The following BRAT1 variants were observed in gnomAD, a reference collection of about 807,000 sequenced individuals.
BRAT1 encodes integrator complex assembly factor BRAT1.
A neutral mutation model predicts 70.6 loss-of-function variants in BRAT1; 74 were observed. The observed-to-expected ratio is 1.05, with a 90% CI of 0.87 to 1.27. BRAT1 has a LOEUF of 1.27. Among genes scored for constraint, BRAT1 ranks in the 50% most tolerant of loss-of-function variants. The pLI, the probability that BRAT1 is intolerant of heterozygous loss-of-function variation, is 0.00. For missense variants in BRAT1, 1,203 were observed against 1,098.2 expected (o/e 1.10, Z -1.35); for synonymous variants, 615 against 517.1 (o/e 1.19, Z -2.57).
At chr7:2,548,052 C>T (rs4721777) in intron 2 of BRAT1, among the ~76,000 whole-genome samples, 22,681 of 147,642 alleles carry the variant, frequency 0.15, 2,215 homozygotes, top group Non-Finnish European at 0.21. Flanking sequence ...TCATTGCACA[C>T]GGCACACTCC....
Position 2,543,486 on chromosome 7 carries a change from CAT to C in BRAT1, c.803+102_803+103del, listed in dbSNP as rs551229769. The C allele has an allele frequency of 1.1e-4, 166 of 1,483,524 alleles. No homozygotes were observed. The African/African-American group carries it at 2.2e-3, about 20-fold the overall frequency. 91.9% of individuals were successfully genotyped at this position (1,483,524 alleles called of 1,614,324 possible). ...ACCCCGGTGCCGCTTCACTGCAGGC[CAT>C]GTCCTCAGAGAGTCTCCGGCTGCCA... On this transcript the variant is annotated intron_variant, in intron 5 of 13. Coordinates refer to ENST00000340611, the MANE Select transcript of BRAT1 (RefSeq NM_152743.4). This position sits in a 1 kb window ranked among gnomAD's most constrained non-coding sequence, Gnocchi z 5.5.
rs1056167622 is a variant in BRAT1, at chr7:2,541,932, G to T, written c.1016-96C>A. 4.3e-6 allele frequency: 6 copies of T among 1,383,756 alleles called. No individual in the cohort carries two copies. In the African/African-American group the frequency reaches 5.7e-5, roughly 13 times the overall value. The allele number at this position is 1,383,756 out of a possible 1,614,324, so 85.7% of individuals were successfully genotyped here. ...GGTCACCACCCACAGCACAGGCCAG[G>T]ACCTAGGTGCAGAGCAGCAGCTCAC... On this transcript the variant is annotated intron_variant, in intron 7 of 13. Transcript: ENST00000340611.
chr7:2,539,504 A>C, intron 12 of BRAT1, 40 bp downstream of exon 12: 1 of 1,520,418 alleles, frequency 6.6e-7, no homozygotes, highest in Admixed American at 2.0e-5. Flanking sequence ...TGAGCCCCCC[A>C]CAGGCGGGGA....
At chr7:2,552,081 A>AACATATATAT (rs1554298077) in intron 2 of BRAT1, among the ~76,000 whole-genome samples, 2 of 23,384 alleles carry the variant, frequency 8.6e-5, no homozygotes, top group East Asian at 5.8e-3. Context: ...CATAGTCTTA[A>AACATATATAT]ATATATATAT....
At chr7:2,555,122 G>A (rs1025366444) in intron 1 of BRAT1, among the ~76,000 whole-genome samples, 17 of 151,818 alleles carry the variant, frequency 1.1e-4, no homozygotes, top group Non-Finnish European at 2.2e-4. Flanking sequence ...GGCGGGGTGC[G>A]GAAAGGAAGG....
intron 3 of BRAT1, among the ~76,000 whole-genome samples, chr7:2,546,421 G>A (rs1024163718): frequency 6.6e-6 from 1 of 151,902 alleles, no homozygotes; most frequent in Non-Finnish European, 1.5e-5. Context: ...GACAGAGCAG[G>A]ACTCTGTCTC....
Position 2,542,134 on chromosome 7 carries a change from G to A in BRAT1, c.1001C>T (p.Ala334Val), listed in dbSNP as rs968967278. Reference sequence around the variant, plus strand: ...AAGCAGCACACCTGGGGGTCCGGGGGCCTGAACCGTGGCCTTCAGGACACA... The same window carrying A: ...AAGCAGCACACCTGGGGGTCCGGGGACCTGAACCGTGGCCTTCAGGACACA... ...LACVLKATVQ[A>V]PGPPGLLDGT... The change falls in exon 7 of 14, where the codon GCC becomes GTC. Residue 334 changes from alanine (A) to valine (V), a missense_variant. Ala to Val is a moderately conservative substitution (Grantham distance 64, BLOSUM62 0). Coordinates refer to ENST00000340611, the MANE Select transcript of BRAT1 (RefSeq NM_152743.4). The A allele has an allele frequency of 3.2e-6, 5 of 1,561,626 alleles. No homozygotes were observed. In the African/African-American group the frequency reaches 4.1e-5, roughly 13 times the overall value.
At chr7:2,549,895 G>C (rs1170075572) in intron 2 of BRAT1, among the ~76,000 whole-genome samples, 3 of 152,236 alleles carry the variant, frequency 2.0e-5, no homozygotes, top group Non-Finnish European at 2.9e-5. Context: ...TGATCACGGA[G>C]ATAAATTCCA....
Position 2,547,421 on chromosome 7 carries a change from A to T in BRAT1, c.185T>A (p.Val62Glu), listed in dbSNP as rs1365971692. Residue 62 changes from valine to glutamate, a missense_variant, in exon 3 of 14, where the codon GTG (valine) becomes GAG (glutamate). Transcript: ENST00000340611. ...AGAACTCAGGTCCTGGACTTTCAGC[A>T]CATGGGACAGCAGCTCCACCAGGCA... ...HPCLVELLSHVLKVQDLSSGV... is the reference protein window; with the variant it reads ...HPCLVELLSHELKVQDLSSGV... 7 of 1,614,144 alleles carry T rather than the reference A, an allele frequency of 4.3e-6. No individual in the cohort carries two copies. The South Asian group carries it at 7.7e-5, about 18-fold the overall frequency.
At chr7:2,539,991 C>T in intron 10 of BRAT1, 103 bp from the exon 11 acceptor site, 1 of 791,580 alleles carries the variant, frequency 1.3e-6, no homozygotes, top group Non-Finnish European at 1.9e-6. Flanking sequence ...CCAGGGACAG[C>T]AATGGGGACA....
chr7:2,552,106 A>ATATATATATACATATATTTTT (rs1245262304), intron 2 of BRAT1, among the ~76,000 whole-genome samples: 1 of 14,216 alleles, frequency 7.0e-5, no homozygotes, highest in Non-Finnish European at 1.4e-4. Context: ...ATATATATAT[A>ATATATATATACATATATTTTT]TTTTTTTTTT....
Position 2,544,981 on chromosome 7 carries a change from G to T in BRAT1, c.358C>A (p.Arg120Ser). 6.4e-7 allele frequency: 1 copy of T among 1,568,662 alleles called. No homozygotes were observed. ...CGCAGGCCCTGGATCCAGCCGCTGC[G>T]CACGGTGGGGACGGCCCAGGTTGCT... ...GRATWAVPTV[R>S]SGWIQGLRSL... Residue 120 changes from arginine (R) to serine (S), a missense_variant, in exon 4 of 14, where the codon CGC becomes AGC. Physicochemically the swap from Arg to Ser is moderately radical, Grantham distance 110. Transcript: ENST00000340611.
rs1210849856 is a variant in BRAT1 at position 2,538,602 on chromosome 7, C to G, written c.1933G>C (p.Asp645His). ...TGGGCGCGGACCTCCCAGTCCAGGT[C>G]TCGGCTCGCCGCCTGCAGCACAGTG... ...VATVLQAASR[D>H]LDWEVRAQGL... The change falls in exon 14 of 14, where the codon GAC becomes CAC. Residue 645 changes from aspartate to histidine, a missense_variant. Coordinates refer to ENST00000340611, the MANE Select transcript of BRAT1 (RefSeq NM_152743.4). The G allele has an allele frequency of 1.9e-6, 3 of 1,597,566 alleles. No individual in the cohort carries two copies. The highest frequency in any genetic ancestry group is 2.5e-6 in the Non-Finnish European group (3 of 1,178,652).
chr7:2,538,709 C>T lies in BRAT1; in HGVS notation c.1826G>A (p.Arg609Gln), dbSNP rs1406194043. 3.8e-6 allele frequency: 6 copies of T among 1,598,446 alleles called. No individual in the cohort carries two copies. The highest frequency in any genetic ancestry group is 2.2e-5 in the East Asian group (1 of 44,862). Residue 609 changes from arginine (R) to glutamine (Q), a missense_variant, in exon 14 of 14, where the codon CGG (arginine) becomes CAG (glutamine). Physicochemically the swap from Arg to Gln is conservative, Grantham distance 43. Transcript: ENST00000340611. ...ILSVDSEGFPRRAVMQVFTEW... is the reference protein window; with the variant it reads ...ILSVDSEGFPQRAVMQVFTEW... ...AGTGAAGACTTGCATGACCGCCCGC[C>T]GTGGGAAGCCCTCCGAGTCTACGGA... is the stretch of plus-strand genomic sequence containing the variant.
intron 8 of BRAT1, 107 bp downstream of exon 8, chr7:2,541,611 G>T: frequency 6.9e-7 from 1 of 1,454,352 alleles, no homozygotes; most frequent in Non-Finnish European, 9.2e-7. Context: ...TGCTGGCGTG[G>T]ATGCAAGGGT....
intron 2 of BRAT1, among the ~76,000 whole-genome samples, chr7:2,550,055 C>G (rs1779885143): frequency 6.6e-6 from 1 of 151,224 alleles, no homozygotes; most frequent in Non-Finnish European, 1.5e-5. Flanking sequence ...CCCAGCCATC[C>G]AGGAGGCTGG....
chr7:2,555,042 TG>T (rs1780316783), intron 1 of BRAT1, among the ~76,000 whole-genome samples: 1 of 145,534 alleles, frequency 6.9e-6, no homozygotes, highest in African/African-American at 2.6e-5. Context: ...AAGGGGCACC[TG>T]TCCGTGTGTC....
In BRAT1 at chr7:2,538,584, G is replaced by C. The variant is rs777235172; in HGVS notation, c.1951C>G (p.Arg651Gly). ...AASRDLDWEV[R>G]AQGLELALVF... ...AGGGCCAGCTCCAGGCCCTGGGCGCGGACCTCCCAGTCCAGGTCTCGGCTC... is the reference window on the plus strand; with the variant it reads ...AGGGCCAGCTCCAGGCCCTGGGCGCCGACCTCCCAGTCCAGGTCTCGGCTC... Residue 651 changes from arginine to glycine, a missense_variant, in exon 14 of 14, where the codon CGC becomes GGC. Physicochemically the swap from Arg to Gly is moderately radical, Grantham distance 125. Transcript: ENST00000340611. 6.3e-7 allele frequency: 1 copy of C among 1,598,926 alleles called. No homozygotes were observed. The highest frequency in any genetic ancestry group is 8.5e-7 in the Non-Finnish European group (1 of 1,178,276).
At position 2,538,775 on chromosome 7, in the gene BRAT1, G is replaced by A; in HGVS notation, c.1771-11C>T. The stretch of plus-strand genomic sequence containing the variant: ...CTCCAGGAACAGGCTCTGGGGGACA[G>A]GGAGCAAGTGCGGATGGTTGGTGGG... On this transcript the variant is annotated splice_polypyrimidine_tract_variant and intron_variant, in intron 13 of 13. Transcript: ENST00000340611. 1 of 1,598,050 alleles carries A rather than the reference G, an allele frequency of 6.3e-7. No individual in the cohort carries two copies. Among genetic ancestry groups the A allele is most frequent in the East Asian group, 2.2e-5 (1 of 44,854 alleles).
Sources: gnomAD v4.1 joint callset for allele counts (sites outside exome capture counted in the v4.1 genomes callset) on GRCh38, gnomAD v4.1.1 for gene constraint, Gnocchi (gnomAD v3.1) non-coding constraint, MANE v1.5 for transcripts, NCBI Gene and HGNC (gene_info 2026-07-23, HGNC 2026-07-21) for gene names.